Variants in TMEM74 observed in about 807,000 individuals in gnomAD.
The protein encoded by TMEM74 is transmembrane protein 74.
A neutral mutation model predicts 18.1 loss-of-function variants in TMEM74; 13 were observed. That is an observed-to-expected ratio of 0.72 (90% CI 0.47 to 1.14). The LOEUF (loss-of-function observed/expected upper bound fraction) is 1.14, where lower values mean the gene tolerates loss of function less well. Among genes scored for constraint, TMEM74 ranks in the 50% most tolerant of loss-of-function variants. The pLI is 0.00. For missense variants in TMEM74, 372 were observed against 375.9 expected (o/e 0.99, Z 0.09); for synonymous variants, 159 against 146.6 (o/e 1.08, Z -0.61).
chr8:108,610,338 T>C (rs1812322534), intron 2 of TMEM74, among the ~76,000 whole-genome samples: 1 of 152,150 alleles, frequency 6.6e-6, no homozygotes, highest in African/African-American at 2.4e-5. Flanking sequence ...ATTATGGACC[T>C]CCAGAAATGC....
At chr8:108,608,472 G>A (rs1025159713) in intron 3 of TMEM74, among the ~76,000 whole-genome samples, 1 of 152,028 alleles carries the variant, frequency 6.6e-6, no homozygotes, top group Non-Finnish European at 1.5e-5. Flanking sequence ...TCGTTTCCCC[G>A]TGGACTGTGG....
chr8:108,774,091 C>T (rs1364004722), downstream of TMEM74, among the ~76,000 whole-genome samples: 1 of 152,094 alleles, frequency 6.6e-6, no homozygotes, highest in Non-Finnish European at 1.5e-5. Flanking sequence ...TCATAGTGAA[C>T]TAGAGGGAGA....
rs150262072 is a variant in TMEM74, at chr8:108,787,531, T to G, written c.-95A>C. On this transcript the variant is annotated 5_prime_UTR_variant, in exon 1 of 2. Coordinates refer to ENST00000297459, the MANE Select transcript of TMEM74 (RefSeq NM_153015.3). ...GCACCGCGCGCTCTCCCGGCACGGTTCCCGGAGAAAGTCCCCCAATCACCA... is the reference window on the plus strand; with the variant it reads ...GCACCGCGCGCTCTCCCGGCACGGTGCCCGGAGAAAGTCCCCCAATCACCA... 291 of 152,194 alleles carry G rather than the reference T, an allele frequency of 1.9e-3. 3 individuals are homozygous for G. The highest frequency in any genetic ancestry group is 0.019 in the East Asian group (98 of 5,126). The allele number at this position is 152,194 out of a possible 1,614,324, so 9.4% of individuals were successfully genotyped here. A position where few individuals can be genotyped will look rare whatever the true frequency, so the allele number is the denominator to read the frequency against.
intron 1 of TMEM74, among the ~76,000 whole-genome samples, chr8:108,702,069 G>A (rs1586266527): frequency 6.6e-6 from 1 of 152,198 alleles, no homozygotes; most frequent in African/African-American, 2.4e-5. Context: ...AATAGGCCAG[G>A]CATGGTGGCT....
chr8:108,755,433 T>C (rs900645229), intron 1 of TMEM74, among the ~76,000 whole-genome samples: 2 of 152,094 alleles, frequency 1.3e-5, no homozygotes, highest in Non-Finnish European at 2.9e-5. Flanking sequence ...AGAAAACTAA[T>C]ATAACCTACA....
At chr8:108,655,751 T>C (rs1812815222) in intron 1 of TMEM74, among the ~76,000 whole-genome samples, 4 of 152,156 alleles carry the variant, frequency 2.6e-5, no homozygotes. Flanking sequence ...CAGCTGGTTA[T>C]TATAAGTATC....
intron 1 of TMEM74, among the ~76,000 whole-genome samples, chr8:108,681,279 A>G (rs1259514515): frequency 6.6e-6 from 1 of 152,200 alleles, no homozygotes; most frequent in Non-Finnish European, 1.5e-5. Context: ...CTACAAGGCT[A>G]CAGTAACCAA....
chr8:108,684,129 TTGCTGGATCATATGGTAGTCCC>T (rs1462117114), intron 1 of TMEM74, among the ~76,000 whole-genome samples: 1 of 152,008 alleles, frequency 6.6e-6, no homozygotes, highest in Non-Finnish European at 1.5e-5. Flanking sequence ...AACAATGGGG[TTGCTGGATCATATGGTAGTCCC>T]AATTGTAGTT....
intron 2 of TMEM74, among the ~76,000 whole-genome samples, chr8:108,644,915 A>G (rs556018189): frequency 4.9e-4 from 75 of 152,316 alleles, no homozygotes; most frequent in Non-Finnish European, 7.6e-4. Flanking sequence ...AGTGTAAATT[A>G]GTTCAGCCAT....
At chr8:108,737,487 T>C (rs141408912) in intron 1 of TMEM74, among the ~76,000 whole-genome samples, 1 of 152,328 alleles carries the variant, frequency 6.6e-6, no homozygotes, top group Admixed American at 6.5e-5. Context: ...GCATAATTTG[T>C]TGATGAGATT....
At chr8:108,689,356 G>A (rs991635968) in intron 1 of TMEM74, among the ~76,000 whole-genome samples, 5 of 152,158 alleles carry the variant, frequency 3.3e-5, no homozygotes, top group Non-Finnish European at 7.3e-5. Context: ...GTTAGGAGAG[G>A]AGGCACTGTT....
At chr8:108,634,581 T>G (rs1812588481) in intron 2 of TMEM74, among the ~76,000 whole-genome samples, 1 of 151,994 alleles carries the variant, frequency 6.6e-6, no homozygotes, top group Non-Finnish European at 1.5e-5. Context: ...CCTTTGTTCA[T>G]GGATGGGCTC....
intron 2 of TMEM74, chr8:108,652,539 T>G (rs1258994190): frequency 1.9e-6 from 1 of 536,724 alleles, no homozygotes; most frequent in East Asian, 3.3e-5. Flanking sequence ...ATGGTGCTCA[T>G]TCTCAAACAA....
chr8:108,743,038 C>T (rs1408300934), intron 1 of TMEM74, among the ~76,000 whole-genome samples: 1 of 152,076 alleles, frequency 6.6e-6, no homozygotes, highest in African/African-American at 2.4e-5. Flanking sequence ...TTTATATAGT[C>T]GATAGTTTTA....
rs1563546765 is a variant in TMEM74 at position 108,767,514 on chromosome 8, C to A, written n.119+19962G>T. 4.6e-5 allele frequency among the ~76,000 whole-genome samples: 7 copies of A among 152,074 alleles called. No homozygotes were observed. The South Asian group carries it at 8.3e-4, about 18-fold the overall frequency. On this transcript the variant is annotated intron_variant and non_coding_transcript_variant, in intron 1 of 3. Transcript: ENST00000518838. ...AACATTTCTGTAGCTTTGGTAAAAC[C>A]ATTTTTCACTGTTGCTCAGTGTCCT... is the stretch of plus-strand genomic sequence containing the variant.
intron 1 of TMEM74, among the ~76,000 whole-genome samples, chr8:108,699,396 A>T (rs1813314520): frequency 6.6e-6 from 1 of 151,986 alleles, no homozygotes; most frequent in Non-Finnish European, 1.5e-5. Context: ...ACTCTCGACC[A>T]TGCCTAAAAC....
At chr8:108,674,453 T>A (rs933191038) in intron 1 of TMEM74, among the ~76,000 whole-genome samples, 1 of 152,164 alleles carries the variant, frequency 6.6e-6, no homozygotes, top group African/African-American at 2.4e-5. Flanking sequence ...TTATACTAAT[T>A]GTCATAGGTT....
chr8:108,721,471 C>T (rs758052652), intron 1 of TMEM74, among the ~76,000 whole-genome samples: 2 of 152,240 alleles, frequency 1.3e-5, no homozygotes, highest in Non-Finnish European at 2.9e-5. Context: ...TTTGTCTTTG[C>T]TGTTCCATCG....
At chr8:108,633,874 A>G (rs1365948354) in intron 2 of TMEM74, among the ~76,000 whole-genome samples, 1 of 152,058 alleles carries the variant, frequency 6.6e-6, no homozygotes, top group African/African-American at 2.4e-5. Context: ...ATTTTCTAAT[A>G]TATGCATTTT....
Sources: allele counts gnomAD v4.1 joint callset (sites outside exome capture counted in the v4.1 genomes callset), GRCh38; gene constraint gnomAD v4.1.1; transcripts MANE v1.5; gene names NCBI Gene and HGNC (gene_info 2026-07-23, HGNC 2026-07-21).